The following MPDZ variants were observed in gnomAD, a reference collection of about 807,000 sequenced individuals.
MPDZ encodes multiple PDZ domain crumbs cell polarity complex component.
Under a neutral mutation model 239.1 loss-of-function variants are expected in MPDZ, and 234 were observed. That is an observed-to-expected ratio of 0.98 (90% CI 0.88 to 1.09). MPDZ has a LOEUF of 1.09. Among genes scored for constraint, MPDZ ranks in the 50% least tolerant of loss-of-function variants. The pLI is 0.00. For missense variants in MPDZ, 3,175 were observed against 2,510.0 expected (o/e 1.26, Z -5.66); for synonymous variants, 1,048 against 881.3 (o/e 1.19, Z -3.35).
chr9:13,223,354 C>T (rs980986936), intron 5 of MPDZ, among the ~76,000 whole-genome samples: 1 of 151,972 alleles, frequency 6.6e-6, no homozygotes, highest in Admixed American at 6.6e-5. Context: ...TCTTTCCTTA[C>T]CAAAACTTAA....
intron 3 of MPDZ, among the ~76,000 whole-genome samples, chr9:13,239,404 G>A (rs1466985771): frequency 3.3e-5 from 5 of 151,986 alleles, no homozygotes; most frequent in South Asian, 2.1e-4. Context: ...TCATATTACC[G>A]ACTTTATAGT....
chr9:13,133,776 GAGGTAA>G, intron 32 of MPDZ, 42 bp downstream of exon 32: 3 of 1,299,500 alleles, frequency 2.3e-6, no homozygotes, highest in Non-Finnish European at 3.3e-6. Context: ...TTAGAACACT[GAGGTAA>G]AGGAACTCAC....
chr9:13,268,064 T>C (rs1297552430), intron 1 of MPDZ, among the ~76,000 whole-genome samples: 1 of 152,062 alleles, frequency 6.6e-6, no homozygotes. Flanking sequence ...CATGGAAGCA[T>C]TAGACATTTA....
At chr9:13,271,251 G>A (rs990885887) in intron 1 of MPDZ, among the ~76,000 whole-genome samples, 1 of 152,034 alleles carries the variant, frequency 6.6e-6, no homozygotes, top group African/African-American at 2.4e-5. Flanking sequence ...TCAAAATGGG[G>A]CATGAATTTA....
At chr9:13,246,483 G>A (rs990529767) in intron 3 of MPDZ, among the ~76,000 whole-genome samples, 1 of 152,132 alleles carries the variant, frequency 6.6e-6, no homozygotes, top group Non-Finnish European at 1.5e-5. Context: ...TCAATAACTT[G>A]TAAAGGAGAC....
Position 13,149,339 on chromosome 9 carries a change from T to G in MPDZ, c.3630+1172A>C, listed in dbSNP as rs981479664. On this transcript the variant is annotated intron_variant, in intron 25 of 46. Transcript: ENST00000319217. ...TGGTTGATATGTTATAATCTTCTTC[T>G]AAACAAAGTCTTCCAGTGTGTAAGT... 2.0e-5 allele frequency among the ~76,000 whole-genome samples: 3 copies of G among 152,066 alleles called. No individual in the cohort carries two copies. The Admixed American group carries it at 2.0e-4, about 10-fold the overall frequency.
chr9:13,229,651 A>G (rs73647118), intron 3 of MPDZ, among the ~76,000 whole-genome samples: 4,429 of 152,034 alleles, frequency 0.029, 130 homozygotes, highest in East Asian at 0.16. Flanking sequence ...TATAAAAGAA[A>G]TACCAGAGTA....
intron 2 of MPDZ, among the ~76,000 whole-genome samples, chr9:13,249,981 T>A (rs952743214): frequency 9.2e-5 from 14 of 152,208 alleles, no homozygotes; most frequent in African/African-American, 3.4e-4. Flanking sequence ...TCCAGATGCT[T>A]TCCAGAAATA....
In MPDZ at chr9:13,186,199, G is replaced by C. The variant is rs1049474551; in HGVS notation, c.2481+71C>G. On this transcript the variant is annotated intron_variant, in intron 18 of 46. Transcript: ENST00000319217. ...ACAAAGAATATAATAGACTTCTTCA[G>C]AATATTTTGAAAGGCAAAGTAAGAC... 5 of 768,174 alleles carry C rather than the reference G, an allele frequency of 6.5e-6. No individual in the cohort carries two copies. The African/African-American group carries it at 9.0e-5, about 14-fold the overall frequency. 47.6% of individuals were successfully genotyped at this position (768,174 alleles called of 1,614,324 possible).
At chr9:13,159,352 C>T (rs1950195565) in intron 23 of MPDZ, among the ~76,000 whole-genome samples, 1 of 152,094 alleles carries the variant, frequency 6.6e-6, no homozygotes, top group Admixed American at 6.6e-5. Flanking sequence ...AAGAATAACG[C>T]CTCGAATGAG....
chr9:13,205,011 C>T (rs1478792162), intron 12 of MPDZ, 25 bp downstream of exon 12: 1 of 1,370,248 alleles, frequency 7.3e-7, no homozygotes, highest in Non-Finnish European at 9.6e-7. Context: ...ATGAAGTACA[C>T]AATAAGCTGG....
At chr9:13,227,835 T>G (rs1232906594) in intron 3 of MPDZ, among the ~76,000 whole-genome samples, 1 of 152,144 alleles carries the variant, frequency 6.6e-6, no homozygotes, top group Non-Finnish European at 1.5e-5. Flanking sequence ...GCAGAGGTTA[T>G]AGAGATCACA....
In MPDZ at chr9:13,122,168, A is replaced by T; in HGVS notation, c.4956T>A (p.Gly1652=). 1 of 1,613,726 alleles carries T rather than the reference A, an allele frequency of 6.2e-7. No homozygotes were observed. Among genetic ancestry groups the T allele is most frequent in the Non-Finnish European group, 8.5e-7 (1 of 1,179,778 alleles). ...CATAAACTTCATGGATAATAATGGC[A>T]CCCTAAGGGCCCAAACAAAACATAC... ...SIVGGSDTLL[G]AIIIHEVYEE... The change falls in exon 37 of 47, where the codon GGT becomes GGA. Residue 1652 remains glycine, a splice_region_variant and synonymous_variant. Coordinates refer to ENST00000319217, the MANE Select transcript of MPDZ (RefSeq NM_001378778.1).
chr9:13,269,712 G>A (rs142500920), intron 1 of MPDZ, among the ~76,000 whole-genome samples: 1 of 152,266 alleles, frequency 6.6e-6, no homozygotes, highest in African/African-American at 2.4e-5. Flanking sequence ...GTAGTCCTCT[G>A]CCAGCAAAGA....
chr9:13,245,269 TAAGA>T (rs980411246), intron 3 of MPDZ, among the ~76,000 whole-genome samples: 4 of 151,970 alleles, frequency 2.6e-5, no homozygotes, highest in African/African-American at 9.7e-5. Flanking sequence ...TCTAGTCATG[TAAGA>T]AAGAATCTGG....
At position 13,183,383 on chromosome 9, in the gene MPDZ, T is replaced by C. The variant is rs775667219; in HGVS notation, c.2649+35A>G. 1.5e-5 allele frequency: 23 copies of C among 1,560,368 alleles called. No homozygotes were observed. The East Asian group carries it at 5.2e-4, about 36-fold the overall frequency. Reference sequence around the variant, plus strand: ...GCTCTGGAAAATTACACACAAGACTTTCCTATAAAAGAAAAATTGGCTTTT... The same window carrying C: ...GCTCTGGAAAATTACACACAAGACTCTCCTATAAAAGAAAAATTGGCTTTT... On this transcript the variant is annotated intron_variant, in intron 19 of 46. Coordinates refer to ENST00000319217, the MANE Select transcript of MPDZ (RefSeq NM_001378778.1).
rs148369965 is a variant in MPDZ, at chr9:13,132,732, T to C, written c.4464+1092A>G. Among the ~76,000 whole-genome samples, 271 of 152,318 alleles carry C rather than the reference T, an allele frequency of 1.8e-3. 1 individual carries two copies. The highest frequency in any genetic ancestry group is 6.1e-3 in the African/African-American group (255 of 41,574). The stretch of plus-strand genomic sequence containing the variant: ...CTCACTACAAGTCTATGAGGTAAGT[T>C]GGACAATTATTAAGTCCATTTTCAA... On this transcript the variant is annotated intron_variant, in intron 32 of 46. Transcript: ENST00000319217.
At chr9:13,271,670 T>C (rs566249826) in intron 1 of MPDZ, among the ~76,000 whole-genome samples, 193 of 152,330 alleles carry the variant, frequency 1.3e-3, no homozygotes, top group African/African-American at 4.4e-3. Flanking sequence ...GCCTCACTTA[T>C]AGAACCTCAA....
At chr9:13,196,745 A>G (rs1189051817) in intron 12 of MPDZ, among the ~76,000 whole-genome samples, 3 of 152,070 alleles carry the variant, frequency 2.0e-5, no homozygotes, top group Admixed American at 2.0e-4. Flanking sequence ...ATAAAAGCCT[A>G]TTAATTGGTA....
Sources: allele counts gnomAD v4.1 joint callset (sites outside exome capture counted in the v4.1 genomes callset), GRCh38; gene constraint gnomAD v4.1.1; transcripts MANE v1.5; gene names NCBI Gene and HGNC (gene_info 2026-07-23, HGNC 2026-07-21).